The following VPS8 variants were observed in gnomAD, a reference collection of about 807,000 sequenced individuals.
The protein encoded by VPS8 is VPS8 subunit of CORVET complex, also known as vacuolar protein sorting-associated protein 8 homolog.
VPS8 carries 129 observed loss-of-function variants against 216.4 expected under a neutral mutation model. The ratio of observed to expected loss-of-function variants is 0.60; its 90% CI spans 0.52 to 0.69. The LOEUF (loss-of-function observed/expected upper bound fraction) is 0.69, where lower values mean the gene tolerates loss of function less well. Among genes scored for constraint, VPS8 ranks in the 30% least tolerant of loss-of-function variants. VPS8 has a pLI of 0.00. For synonymous variants in VPS8, 571 were observed against 565.4 expected (o/e 1.01, Z -0.14); for missense variants, 1,531 against 1,683.5 (o/e 0.91, Z 1.59).
chr3:184,841,708 A>G (rs975207657), intron 7 of VPS8, among the ~76,000 whole-genome samples: 2 of 152,162 alleles, frequency 1.3e-5, no homozygotes, highest in African/African-American at 2.4e-5. Flanking sequence ...GTGGGGCATA[A>G]TTAATGTTAG....
intron 7 of VPS8, among the ~76,000 whole-genome samples, chr3:184,842,186 C>CAAAAAAAAAA (rs71162267): frequency 0.027 from 1,338 of 48,844 alleles, 154 homozygotes; most frequent in African/African-American, 0.031. Context: ...GACTCCGTCT[C>CAAAAAAAAAA]AAAAAAAAAA....
intron 46 of VPS8, among the ~76,000 whole-genome samples, chr3:185,025,081 C>T (rs115070696): frequency 1.3e-5 from 2 of 152,118 alleles, no homozygotes; most frequent in Non-Finnish European, 2.9e-5. Context: ...GAGATAGTAA[C>T]AGCACATAAG....
At chr3:185,018,073 C>G (rs1273616834) in intron 45 of VPS8, among the ~76,000 whole-genome samples, 1 of 152,196 alleles carries the variant, frequency 6.6e-6, no homozygotes, top group Non-Finnish European at 1.5e-5. Context: ...TTTATCCACT[C>G]TCAGTCCTGC....
chr3:184,954,807 TTAAAA>T (rs1176437457), intron 36 of VPS8, among the ~76,000 whole-genome samples: 1 of 152,270 alleles, frequency 6.6e-6, no homozygotes, highest in East Asian at 1.9e-4. Flanking sequence ...AAGAAAATAG[TTAAAA>T]TAAGAATAGT....
chr3:184,967,665 C>T (rs1048482509), intron 39 of VPS8, among the ~76,000 whole-genome samples: 22 of 151,864 alleles, frequency 1.4e-4, no homozygotes, highest in African/African-American at 4.8e-4. Flanking sequence ...TAGTGAACCC[C>T]GTCTCTACTA....
intron 22 of VPS8, among the ~76,000 whole-genome samples, chr3:184,886,459 G>GTATA (rs34820398): frequency 1.7e-4 from 25 of 149,748 alleles, no homozygotes; most frequent in Admixed American, 4.0e-4. Flanking sequence ...TTCATTATAT[G>GTATA]TATATATATA....
At chr3:184,819,144 ATTGG>A (rs1716991054) in intron 1 of VPS8, among the ~76,000 whole-genome samples, 1 of 152,188 alleles carries the variant, frequency 6.6e-6, no homozygotes, top group Non-Finnish European at 1.5e-5. Context: ...GAATCTATTA[ATTGG>A]TTGGGAATAA....
At chr3:184,936,874 A>G (rs1418283736) in intron 35 of VPS8, among the ~76,000 whole-genome samples, 1 of 151,686 alleles carries the variant, frequency 6.6e-6, no homozygotes, top group Non-Finnish European at 1.5e-5. Context: ...AGTAGCTGGG[A>G]CTACAGATGC....
At position 184,996,422 on chromosome 3, in the gene VPS8, C is replaced by T; in HGVS notation, c.3757C>T (p.Pro1253Ser). 2.5e-6 allele frequency: 4 copies of T among 1,613,776 alleles called. No individual in the cohort carries two copies. The highest frequency in any genetic ancestry group is 3.3e-4 in the Middle Eastern group (2 of 6,062). Residue 1253 changes from proline (P) to serine (S), a missense_variant, in exon 44 of 48, where the codon CCC becomes TCC. Coordinates refer to ENST00000625842, the MANE Select transcript of VPS8 (RefSeq NM_001009921.3). ...LRASVTRGLN[P>S]KQDYCSICLQ... is the part of the protein sequence containing the mutation. ...AGCTTCGGTCACCAGAGGACTGAAT[C>T]CCAAACAAGATTACTGCTCTATATG... is the stretch of plus-strand genomic sequence containing the variant.
intron 37 of VPS8, among the ~76,000 whole-genome samples, chr3:184,962,663 G>A (rs955798683): frequency 6.6e-6 from 1 of 150,734 alleles, no homozygotes; most frequent in Non-Finnish European, 1.5e-5. Context: ...ATTTATTATG[G>A]CACATCATTT....
intron 14 of VPS8, among the ~76,000 whole-genome samples, chr3:184,856,375 T>C (rs1366583422): frequency 6.6e-6 from 1 of 152,206 alleles, no homozygotes; most frequent in Non-Finnish European, 1.5e-5. Context: ...AGAGTATTAA[T>C]GGCTTTATGA....
At chr3:184,981,523 T>C (rs947814524) in intron 40 of VPS8, among the ~76,000 whole-genome samples, 18 of 140,498 alleles carry the variant, frequency 1.3e-4, no homozygotes, top group African/African-American at 4.8e-4. Context: ...AACCTCCGCC[T>C]CCCAGGTACA....
chr3:184,907,741 T>C (rs1227240592), intron 25 of VPS8, among the ~76,000 whole-genome samples: 1 of 152,252 alleles, frequency 6.6e-6, no homozygotes, highest in Non-Finnish European at 1.5e-5. Context: ...AAGTGGGATA[T>C]TGAAGTCTCC....
At chr3:184,985,025 G>A (rs1203748984) in intron 42 of VPS8, among the ~76,000 whole-genome samples, 1 of 151,978 alleles carries the variant, frequency 6.6e-6, no homozygotes, top group African/African-American at 2.4e-5. Context: ...TATTTTCAAT[G>A]GTTGTTAACT....
chr3:184,941,418 C>CTTT (rs560431751), intron 36 of VPS8, among the ~76,000 whole-genome samples: 6 of 135,566 alleles, frequency 4.4e-5, no homozygotes, highest in Non-Finnish European at 9.5e-5. Context: ...GGTAGACATC[C>CTTT]TTTTTTTTTT....
chr3:185,002,962 C>T lies in VPS8; in HGVS notation c.4002+3101C>T, dbSNP rs116439766. On this transcript the variant is annotated intron_variant, in intron 45 of 47. Transcript: ENST00000625842. ...TGACTTATTTTCCTTTGGGTAGATA[C>T]CAAGTAATGGAATTGCTGCATCCAA... Among the ~76,000 whole-genome samples, 496 of 152,116 alleles carry T rather than the reference C, an allele frequency of 3.3e-3. 3 individuals carry two copies. Among genetic ancestry groups the T allele is most frequent in the African/African-American group, 0.012 (481 of 41,496 alleles).
At chr3:184,890,245 T>A (rs1480091255) in intron 22 of VPS8, among the ~76,000 whole-genome samples, 1 of 152,186 alleles carries the variant, frequency 6.6e-6, no homozygotes, top group Non-Finnish European at 1.5e-5. Context: ...TCTGTGACAT[T>A]AACATTGCTT....
At chr3:184,909,702 G>T (rs1028251152) in intron 25 of VPS8, among the ~76,000 whole-genome samples, 1 of 152,098 alleles carries the variant, frequency 6.6e-6, no homozygotes, top group African/African-American at 2.4e-5. Flanking sequence ...TTATAATAGC[G>T]CTTTAAAATC....
intron 45 of VPS8, among the ~76,000 whole-genome samples, chr3:185,002,730 A>G (rs1753584252): frequency 6.6e-6 from 1 of 152,172 alleles, no homozygotes; most frequent in Non-Finnish European, 1.5e-5. Context: ...GAGTTACTTC[A>G]CTTAGAATAA....
Sources: allele counts gnomAD v4.1 joint callset (sites outside exome capture counted in the v4.1 genomes callset), GRCh38; gene constraint gnomAD v4.1.1; transcripts MANE v1.5; gene names NCBI Gene and HGNC (gene_info 2026-07-23, HGNC 2026-07-21).